Variants in HOMER2 observed in about 807,000 individuals in gnomAD.
HOMER2 encodes homer protein homolog 2.
A neutral mutation model predicts 47.0 loss-of-function variants in HOMER2; 27 were observed. The ratio of observed to expected loss-of-function variants is 0.57; its 90% CI spans 0.42 to 0.79. The LOEUF is 0.79. Ranked by LOEUF, HOMER2 falls within the 30% of genes least tolerant of loss-of-function variation. The probability of loss-of-function intolerance (pLI) is 0.00; values close to 1 mark genes in which losing one functional copy is unlikely to be tolerated. For synonymous variants in HOMER2, 161 were observed against 163.8 expected, an observed-to-expected ratio of 0.98 and a Z score of 0.13; for missense variants, 443 against 435.0, an observed-to-expected ratio of 1.02 and a Z score of -0.16.
intron 1 of HOMER2, among the ~76,000 whole-genome samples, chr15:82,950,043 G>T (rs991209178): frequency 2.0e-5 from 3 of 151,988 alleles, no homozygotes; most frequent in Admixed American, 1.3e-4. Flanking sequence ...AGAGATGAGG[G>T]ACAGGTCATC....
At chr15:82,951,552 GA>G (rs1312951777) in intron 1 of HOMER2, among the ~76,000 whole-genome samples, 1 of 152,240 alleles carries the variant, frequency 6.6e-6, no homozygotes, top group African/African-American at 2.4e-5. Flanking sequence ...CCTTGGAGCA[GA>G]AGCATTTGAG....
At chr15:82,877,672 T>C (rs1297228891) in intron 2 of HOMER2, among the ~76,000 whole-genome samples, 1 of 152,198 alleles carries the variant, frequency 6.6e-6, no homozygotes, top group Non-Finnish European at 1.5e-5. Context: ...CTGATGTTCA[T>C]GTGCTACGGT....
intron 1 of HOMER2, among the ~76,000 whole-genome samples, chr15:82,974,701 T>A (rs2030140426): frequency 6.6e-6 from 1 of 152,178 alleles, no homozygotes; most frequent in South Asian, 2.1e-4. Flanking sequence ...AGTCTTGGAG[T>A]CTGTCTCTGA....
intron 4 of HOMER2, 129 bp downstream of exon 4, chr15:82,864,038 G>A (rs530308845): frequency 2.9e-5 from 17 of 586,118 alleles, no homozygotes; most frequent in Non-Finnish European, 4.6e-5. Context: ...CTGTGATCAG[G>A]CTAATAGTTG....
intron 1 of HOMER2, among the ~76,000 whole-genome samples, chr15:82,920,221 C>T (rs916859242): frequency 6.6e-6 from 1 of 152,214 alleles, no homozygotes; most frequent in African/African-American, 2.4e-5. Context: ...CATTGTTTTG[C>T]TGTTGTAGAT....
intron 1 of HOMER2, among the ~76,000 whole-genome samples, chr15:82,918,218 G>A (rs1360951052): frequency 6.6e-6 from 1 of 152,058 alleles, no homozygotes; most frequent in African/African-American, 2.4e-5. Context: ...CATCCCTCCC[G>A]GACAGCACTC....
intron 3 of HOMER2, among the ~76,000 whole-genome samples, chr15:82,874,745 C>T (rs1232924488): frequency 1.3e-5 from 2 of 152,184 alleles, no homozygotes; most frequent in South Asian, 2.1e-4. Context: ...GAGTCACTGA[C>T]GTTGATGGCT....
At position 82,909,276 on chromosome 15, in the gene HOMER2, G is replaced by T. The variant is rs377521822; in HGVS notation, c.6-16435C>A. ...CAAGGCAATTTACTTCTATAGAAGGGTGCACCTCACAGATGGAGCAATGGC... is the reference window on the plus strand; with the variant it reads ...CAAGGCAATTTACTTCTATAGAAGGTTGCACCTCACAGATGGAGCAATGGC... On this transcript the variant is annotated intron_variant, in intron 1 of 8. Coordinates refer to ENST00000450735, the MANE Select transcript of HOMER2 (RefSeq NM_004839.4). Among the ~76,000 whole-genome samples the T allele has an allele frequency of 5.3e-5, 8 of 152,170 alleles. No individual in the cohort carries two copies. In the East Asian group the frequency reaches 1.2e-3, roughly 22 times the overall value.
At chr15:82,908,738 CT>C (rs139147445) in intron 1 of HOMER2, among the ~76,000 whole-genome samples, 6,301 of 134,282 alleles carry the variant, frequency 0.047, 207 homozygotes, top group African/African-American at 0.1. Context: ...AGCTGTTTTG[CT>C]TTTTTTTTAA....
intron 1 of HOMER2, among the ~76,000 whole-genome samples, chr15:82,979,493 G>A (rs1396661384): frequency 6.6e-6 from 1 of 152,188 alleles, no homozygotes; most frequent in African/African-American, 2.4e-5. Context: ...TCTACTAGCA[G>A]AGTGGAGAAG....
chr15:82,853,248 C>G (rs2051456326), intron 6 of HOMER2, among the ~76,000 whole-genome samples: 1 of 136,586 alleles, frequency 7.3e-6, no homozygotes, highest in African/African-American at 2.6e-5. Context: ...GTGCGTGATG[C>G]TCTTCCTCCA....
chr15:82,963,210 GA>G (rs1750406921), intron 1 of HOMER2, among the ~76,000 whole-genome samples: 1 of 152,100 alleles, frequency 6.6e-6, no homozygotes, highest in South Asian at 2.1e-4. Flanking sequence ...TTAGCCTCCC[GA>G]ATAGCTGGGA....
chr15:82,847,966 C>A (rs980260565), downstream of HOMER2, among the ~76,000 whole-genome samples: 4 of 152,302 alleles, frequency 2.6e-5, no homozygotes, highest in African/African-American at 9.6e-5. Flanking sequence ...CAGACTACCC[C>A]GAATCACAAA....
intron 3 of HOMER2, 88 bp downstream of exon 3, chr15:82,875,185 C>T (rs2052306947): frequency 2.7e-6 from 4 of 1,474,644 alleles, no homozygotes; most frequent in South Asian, 2.5e-5. Flanking sequence ...GAATCCTGCT[C>T]ACCAAGGGCA....
chr15:82,866,621 T>C (rs2052457321), intron 3 of HOMER2, among the ~76,000 whole-genome samples: 1 of 152,218 alleles, frequency 6.6e-6, no homozygotes, highest in Non-Finnish European at 1.5e-5. Context: ...TTCCCACATG[T>C]CATGGGAAGA....
chr15:82,861,341 G>A (rs568516601), intron 4 of HOMER2, among the ~76,000 whole-genome samples: 2 of 152,262 alleles, frequency 1.3e-5, no homozygotes, highest in African/African-American at 2.4e-5. Flanking sequence ...CAAATAAGCT[G>A]TGATACCAAC....
At chr15:82,897,065 C>CTTTTTT (rs68038013) in intron 1 of HOMER2, among the ~76,000 whole-genome samples, 21,792 of 101,318 alleles carry the variant, frequency 0.22, 3,720 homozygotes, top group East Asian at 0.32. Context: ...GATGTCATTT[C>CTTTTTT]TTTTTTTTTT....
At chr15:82,964,072 C>G (rs997628495) in intron 1 of HOMER2, among the ~76,000 whole-genome samples, 1 of 152,216 alleles carries the variant, frequency 6.6e-6, no homozygotes, top group Admixed American at 6.5e-5. Flanking sequence ...TAGATTCTAC[C>G]TTTAGATCCA....
At chr15:82,956,258 G>A (rs1336043377), upstream of HOMER2, among the ~76,000 whole-genome samples, 37 of 137,218 alleles carry the variant, frequency 2.7e-4, no homozygotes, top group Admixed American at 2.6e-3. Context: ...AAAAAAAAAA[G>A]AAGAGGCTTG....
Sources: gnomAD v4.1 joint callset for allele counts (sites outside exome capture counted in the v4.1 genomes callset) on GRCh38, gnomAD v4.1.1 for gene constraint, MANE v1.5 for transcripts, NCBI Gene and HGNC (gene_info 2026-07-23, HGNC 2026-07-21) for gene names.